GLP2R: variants seen among roughly 807,000 people sequenced by gnomAD.
GLP2R encodes glucagon-like peptide 2 receptor.
A neutral mutation model predicts 68.2 loss-of-function variants in GLP2R; 59 were observed. The ratio of observed to expected loss-of-function variants is 0.87; its 90% CI spans 0.70 to 1.07. The LOEUF (loss-of-function observed/expected upper bound fraction) is 1.07, where lower values mean the gene tolerates loss of function less well. Among genes scored for constraint, GLP2R ranks in the 50% least tolerant of loss-of-function variants. The probability of loss-of-function intolerance (pLI) is 0.00; values close to 1 mark genes in which losing one functional copy is unlikely to be tolerated. For missense variants in GLP2R, 548 were observed against 677.4 expected, an observed-to-expected ratio of 0.81 and a Z score of 2.12; for synonymous variants, 270 against 265.4, an observed-to-expected ratio of 1.02 and a Z score of -0.17.
At chr17:9,882,062 A>G (rs1196000581) in intron 11 of GLP2R, among the ~76,000 whole-genome samples, 1 of 151,102 alleles carries the variant, frequency 6.6e-6, no homozygotes, top group Non-Finnish European at 1.5e-5. Context: ...AAAAGAAATG[A>G]GAAGGATTCA....
chr17:9,876,596 C>T (rs367699837), intron 10 of GLP2R, among the ~76,000 whole-genome samples: 48 of 152,256 alleles, frequency 3.2e-4, no homozygotes, highest in African/African-American at 8.7e-4. Context: ...TCTTGTGATC[C>T]GCTTCAGGAG....
At chr17:9,837,254 C>A (rs933425118) in intron 3 of GLP2R, among the ~76,000 whole-genome samples, 10 of 152,202 alleles carry the variant, frequency 6.6e-5, no homozygotes, top group Non-Finnish European at 1.5e-4. Flanking sequence ...CCCACCTCCA[C>A]TGTCCCAGCC....
chr17:9,833,193 G>C (rs531250529), intron 1 of GLP2R, among the ~76,000 whole-genome samples: 21 of 151,950 alleles, frequency 1.4e-4, no homozygotes, highest in Non-Finnish European at 2.9e-4. Flanking sequence ...GAACCCAGGA[G>C]GCAGAGGTTG....
intron 1 of GLP2R, among the ~76,000 whole-genome samples, chr17:9,829,080 T>G (rs2152028665): frequency 6.6e-6 from 1 of 152,328 alleles, no homozygotes; most frequent in East Asian, 1.9e-4. Flanking sequence ...CTGTGGTGTG[T>G]GTTCTGGCAG....
chr17:9,867,032 C>T (rs1199728812), intron 9 of GLP2R: 1 of 152,182 alleles, frequency 6.6e-6, no homozygotes, highest in Admixed American at 6.5e-5. Flanking sequence ...ATATGTTCTA[C>T]TTAAACTGAA....
chr17:9,834,802 T>C (rs2152030630), intron 2 of GLP2R: 1 of 152,396 alleles, frequency 6.6e-6, no homozygotes, highest in South Asian at 2.1e-4. Flanking sequence ...TAGTCAAGCC[T>C]TGAGATCAGC....
intron 6 of GLP2R, among the ~76,000 whole-genome samples, 187 bp from the exon 7 acceptor site, chr17:9,859,755 G>T: frequency 6.8e-6 from 1 of 146,794 alleles, no homozygotes; most frequent in Non-Finnish European, 1.5e-5. Context: ...GGAGCTGGAG[G>T]TTGCAGTGTG....
At chr17:9,841,966 A>G (rs1354466619) in intron 3 of GLP2R, among the ~76,000 whole-genome samples, 1 of 152,164 alleles carries the variant, frequency 6.6e-6, no homozygotes, top group Non-Finnish European at 1.5e-5. Context: ...CTTTCATTTA[A>G]TCCTTTCCCA....
intron 3 of GLP2R, among the ~76,000 whole-genome samples, chr17:9,838,813 A>C (rs976507490): frequency 7.9e-5 from 12 of 152,234 alleles, no homozygotes; most frequent in Non-Finnish European, 1.5e-4. Flanking sequence ...GCAAATGCAC[A>C]GAGTGGAGGA....
chr17:9,889,486 C>A lies in GLP2R; in HGVS notation c.1443C>A (p.Leu481=). 6.2e-7 allele frequency: 1 copy of A among 1,614,174 alleles called. No individual in the cohort carries two copies. Among genetic ancestry groups the A allele is most frequent in the Non-Finnish European group, 8.5e-7 (1 of 1,180,012 alleles). Residue 481 remains leucine, a synonymous_variant, in exon 13 of 13, where the codon CTC becomes CTA. Coordinates refer to ENST00000262441, the MANE Select transcript of GLP2R (RefSeq NM_004246.3). ...FRFLGKCPKK[L]SEGDGAEKLR... The stretch of plus-strand genomic sequence containing the variant: ...TCCTAGGAAAATGTCCCAAGAAGCT[C>A]TCGGAAGGAGATGGCGCTGAGAAGC...
chr17:9,860,289 T>C (rs1457722642), intron 7 of GLP2R, among the ~76,000 whole-genome samples, 188 bp downstream of exon 7: 2 of 152,210 alleles, frequency 1.3e-5, no homozygotes, highest in Non-Finnish European at 2.9e-5. Context: ...ACAGGGGCCA[T>C]AGGCCCAACA....
rs779056220 is a variant in GLP2R at position 9,826,206 on chromosome 17, C to T, written c.143C>T (p.Pro48Leu). Residue 48 changes from proline (P) to leucine (L), a missense_variant, in exon 1 of 13, where the codon CCT (proline) becomes CTT (leucine). Physicochemically the swap from Pro to Leu is moderately conservative, Grantham distance 98. Transcript: ENST00000262441. ...SFHRKCSLWA[P>L]GRPFLTLVLL... ...CACAGGAAGTGCTCTCTCTGGGCCCCTGGGAGGCCCTTCCTCACTCTGGTC... is the reference window on the plus strand; with the variant it reads ...CACAGGAAGTGCTCTCTCTGGGCCCTTGGGAGGCCCTTCCTCACTCTGGTC... 4.3e-6 allele frequency: 7 copies of T among 1,612,598 alleles called. No individual in the cohort carries two copies. The highest frequency in any genetic ancestry group is 5.1e-6 in the Non-Finnish European group (6 of 1,179,528).
chr17:9,842,504 G>A lies in GLP2R; in HGVS notation c.392G>A (p.Gly131Glu), dbSNP rs371569129. 3 of 1,614,018 alleles carry A rather than the reference G, an allele frequency of 1.9e-6. No homozygotes were observed. Among genetic ancestry groups the A allele is most frequent in the African/African-American group, 1.3e-5 (1 of 74,934 alleles). ...YLPWWSEESS[G>E]RAYRHCLAQG... Reference sequence around the variant, plus strand: ...CTTTGTTTACTTTCAGAGAGCTCAGGAAGGGCCTACAGACACTGCTTGGCT... The same window carrying A: ...CTTTGTTTACTTTCAGAGAGCTCAGAAAGGGCCTACAGACACTGCTTGGCT... The change falls in exon 4 of 13, where the codon GGA (glycine) becomes GAA (glutamate). Residue 131 changes from glycine to glutamate, a missense_variant. Gly to Glu is a moderately conservative substitution (Grantham distance 98). Transcript: ENST00000262441.
intron 4 of GLP2R, among the ~76,000 whole-genome samples, chr17:9,850,593 C>T (rs1015006451): frequency 3.9e-5 from 6 of 152,092 alleles, no homozygotes; most frequent in African/African-American, 1.4e-4. Context: ...AGAGCTTCCC[C>T]AGTGGGATTA....
chr17:9,842,466 CT>C (rs1212176091), intron 3 of GLP2R, 28 bp from the exon 4 acceptor site: 1 of 1,613,914 alleles, frequency 6.2e-7, no homozygotes, highest in South Asian at 1.1e-5. Context: ...GTGTTCTGAC[CT>C]TTCCTCCAGA....
chr17:9,870,677 G>C, intron 9 of GLP2R, 70 bp from the exon 10 acceptor site: 5 of 789,652 alleles, frequency 6.3e-6, no homozygotes, highest in Non-Finnish European at 1.1e-5. Context: ...GCCGAGCCCA[G>C]CCTGACCTTG....
chr17:9,857,671 C>T lies in GLP2R; in HGVS notation c.765+95C>T, dbSNP rs547844690. 7.2e-4 allele frequency: 879 copies of T among 1,214,112 alleles called. 6 individuals are homozygous for T. The highest frequency in any genetic ancestry group is 4.7e-3 in the South Asian group (355 of 75,508). 75.2% of individuals were successfully genotyped at this position (1,214,112 alleles called of 1,614,324 possible). ...GGCAGGTGGGACTAGGGAGGGGCAGCGGGAGATAAGAGGGTTTCCAAGACT... is the reference window on the plus strand; with the variant it reads ...GGCAGGTGGGACTAGGGAGGGGCAGTGGGAGATAAGAGGGTTTCCAAGACT... On this transcript the variant is annotated intron_variant, in intron 6 of 12. Coordinates refer to ENST00000262441, the MANE Select transcript of GLP2R (RefSeq NM_004246.3).
intron 10 of GLP2R, among the ~76,000 whole-genome samples, chr17:9,875,718 G>A (rs1029217910): frequency 3.3e-5 from 5 of 152,158 alleles, no homozygotes; most frequent in Non-Finnish European, 7.3e-5. Flanking sequence ...CTAGGAATGC[G>A]GACAGAGTTC....
chr17:9,879,684 A>G (rs770871079), intron 10 of GLP2R, among the ~76,000 whole-genome samples: 71 of 152,222 alleles, frequency 4.7e-4, no homozygotes, highest in Non-Finnish European at 9.1e-4. Flanking sequence ...CGTGGGTGGC[A>G]CAAGGAATGT....
Sources: allele counts gnomAD v4.1 joint callset (sites outside exome capture counted in the v4.1 genomes callset), GRCh38; gene constraint gnomAD v4.1.1; transcripts MANE v1.5; gene names NCBI Gene and HGNC (gene_info 2026-07-23, HGNC 2026-07-21).